KNG1: variants seen among roughly 807,000 people sequenced by gnomAD.
The protein encoded by KNG1 is kininogen 1, also known as kininogen-1.
Under a neutral mutation model 47.8 loss-of-function variants are expected in KNG1, and 23 were observed. That is an observed-to-expected ratio of 0.48 (90% CI 0.35 to 0.68). The LOEUF (loss-of-function observed/expected upper bound fraction) is 0.68. Among genes scored for constraint, KNG1 ranks in the 30% least tolerant of loss-of-function variants. The pLI, the probability that KNG1 is intolerant of heterozygous loss-of-function variation, is 0.01. For synonymous variants in KNG1, 277 were observed against 277.0 expected (o/e 1.00, Z 0.00); for missense variants, 762 against 790.2 (o/e 0.96, Z 0.43).
rs764734070 is a variant in KNG1, at chr3:186,743,739, C to T, written c.*1408C>T. 6.2e-7 allele frequency: 1 copy of T among 1,614,046 alleles called. No individual in the cohort carries two copies. The highest frequency in any genetic ancestry group is 1.1e-5 in the South Asian group (1 of 91,080). On this transcript the variant is annotated 3_prime_UTR_variant, in exon 10 of 10. Transcript: ENST00000644859. ...AGGTCCTGCGAGTACAAGGGTCGAC[C>T]CCCAAAGGCAGGGGCAGAGCCAGCA...
rs1204582162 is a variant in KNG1 at position 186,722,964 on chromosome 3, A to G, written c.391+443A>G. Among the ~76,000 whole-genome samples, 8 of 152,208 alleles carry G rather than the reference A, an allele frequency of 5.3e-5. No individual in the cohort carries two copies. In the East Asian group the frequency reaches 1.5e-3, roughly 29 times the overall value. On this transcript the variant is annotated intron_variant, in intron 3 of 9. Transcript: ENST00000644859. ...ACAGGACTGTTGTGAGGCTGAAATG[A>G]GATGATATGCCTGGAGGTACAATCA...
chr3:186,727,858 C>T (rs928098856), intron 5 of KNG1, among the ~76,000 whole-genome samples: 20 of 152,176 alleles, frequency 1.3e-4, no homozygotes, highest in African/African-American at 4.6e-4. Flanking sequence ...AGGCATGAGC[C>T]ACCGTGCCTG....
rs1243044282 is a variant in KNG1, at chr3:186,732,469, T to C, written c.758-33T>C. The C allele has an allele frequency of 5.6e-6, 9 of 1,608,492 alleles. No homozygotes were observed. In the South Asian group the frequency reaches 6.6e-5, roughly 12 times the overall value. On this transcript the variant is annotated intron_variant, in intron 6 of 9. Transcript: ENST00000644859. Reference sequence around the variant, plus strand: ...ATGCTAGGCCAGGCTGCTACTTCAGTGTACATGTTGACTTAAAACCTGATC... The same window carrying C: ...ATGCTAGGCCAGGCTGCTACTTCAGCGTACATGTTGACTTAAAACCTGATC...
Position 186,725,083 on chromosome 3 carries a change from T to C in KNG1, c.392-5T>C. On this transcript the variant is annotated splice_region_variant and splice_polypyrimidine_tract_variant and intron_variant, in intron 3 of 9. Coordinates refer to ENST00000644859, the MANE Select transcript of KNG1 (RefSeq NM_001102416.3). ...ATGCTGTGTTTTTGTCTGCTCTTTG[T>C]TAAGCCGAGGGCCCTGTGGTGACAG... 6.2e-7 allele frequency: 1 copy of C among 1,613,972 alleles called. No homozygotes were observed. The highest frequency in any genetic ancestry group is 8.5e-7 in the Non-Finnish European group (1 of 1,179,990).
intron 7 of KNG1, chr3:186,736,624 T>C (rs1236586334): frequency 6.6e-6 from 1 of 152,264 alleles, no homozygotes; most frequent in African/African-American, 2.4e-5. Context: ...TGTGTGCACA[T>C]GCAGAAATTT....
chr3:186,741,827 C>T lies in KNG1; in HGVS notation c.1431C>T (p.Phe477=), dbSNP rs1396227479. ...QQHGLGHGHK[F]KLDDDLEHQG... The stretch of plus-strand genomic sequence containing the variant: ...ATGGTCTTGGTCATGGACATAAGTT[C>T]AAACTTGATGATGATCTTGAACACC... The change falls in exon 10 of 10, where the codon TTC becomes TTT. Residue 477 remains phenylalanine, a synonymous_variant. Transcript: ENST00000644859. 5 of 1,613,560 alleles carry T rather than the reference C, an allele frequency of 3.1e-6. No individual in the cohort carries two copies. Among genetic ancestry groups the T allele is most frequent in the Non-Finnish European group, 4.2e-6 (5 of 1,179,740 alleles).
chr3:186,722,220 G>A (rs1720222873), intron 2 of KNG1: 4 of 537,800 alleles, frequency 7.4e-6, no homozygotes, highest in Non-Finnish European at 1.0e-5. Flanking sequence ...CATTTACACT[G>A]TCTTTCCTCC....
At chr3:186,725,510 A>C (rs186020730) in intron 4 of KNG1, among the ~76,000 whole-genome samples, 40 of 149,334 alleles carry the variant, frequency 2.7e-4, no homozygotes, top group Admixed American at 5.4e-4. Context: ...CTTCCTAGAG[A>C]CAGTGAAAAG....
chr3:186,742,348 T>C lies in KNG1; in HGVS notation c.*17T>C, dbSNP rs1314305877. On this transcript the variant is annotated 3_prime_UTR_variant, in exon 10 of 10. Coordinates refer to ENST00000644859, the MANE Select transcript of KNG1 (RefSeq NM_001102416.3). ...CTTTCTTAATTTAAGTGGCTATGGG[T>C]ATTTCTTTCATACTTTATTAAAGTA... 3.7e-6 allele frequency: 6 copies of C among 1,613,004 alleles called. No individual in the cohort carries two copies. In the South Asian group the frequency reaches 5.5e-5, roughly 15 times the overall value.
Position 186,720,162 on chromosome 3 carries a change from G to C in KNG1, c.253G>C (p.Val85Leu), listed in dbSNP as rs1720145926. 1 of 1,613,926 alleles carries C rather than the reference G, an allele frequency of 6.2e-7. No individual in the cohort carries two copies. Among genetic ancestry groups the C allele is most frequent in the African/African-American group, 1.3e-5 (1 of 74,910 alleles). ...KYEIKEGDCPVQSGKTWQDCE... is the reference protein window; with the variant it reads ...KYEIKEGDCPLQSGKTWQDCE... ...CGAAATCAAGGAGGGGGATTGTCCT[G>C]TTCAAAGTGGCAAAACCTGGCAGGA... The change falls in exon 2 of 10, where the codon GTT becomes CTT. Residue 85 changes from valine to leucine, a missense_variant. Transcript: ENST00000644859.
At chr3:186,732,367 C>T in intron 6 of KNG1, 135 bp from the exon 7 acceptor site, 1 of 768,278 alleles carries the variant, frequency 1.3e-6, no homozygotes, top group East Asian at 2.5e-5. Flanking sequence ...GACAGACAAC[C>T]TTCCCCCACT....
Position 186,742,082 on chromosome 3 carries a change from C to T in KNG1, c.1686C>T (p.Asp562=). Residue 562 remains aspartate (D), a synonymous_variant, in exon 10 of 10, where the codon GAC becomes GAT. Coordinates refer to ENST00000644859, the MANE Select transcript of KNG1 (RefSeq NM_001102416.3). The part of the protein sequence containing the change: ...AKPGVTVTFS[D]FQDSDLIATM... ...CAGGTGTAACAGTTACCTTTTCTGA[C>T]TTTCAGGACTCTGATCTCATTGCAA... 1 of 1,613,940 alleles carries T rather than the reference C, an allele frequency of 6.2e-7. No homozygotes were observed. Among genetic ancestry groups the T allele is most frequent in the Non-Finnish European group, 8.5e-7 (1 of 1,179,856 alleles).
rs148273619 is a variant in KNG1 at position 186,725,992 on chromosome 3, G to A, written c.564+732G>A. Among the ~76,000 whole-genome samples, 52 of 150,214 alleles carry A rather than the reference G, an allele frequency of 3.5e-4. 1 individual carries two copies. The South Asian group carries it at 8.9e-3, about 26-fold the overall frequency. ...CTGTTGCCTAGGCTGGAGCAGTGGC[G>A]CGATCTTGGCTCACTGCAACCTCTG... On this transcript the variant is annotated intron_variant, in intron 4 of 9. Coordinates refer to ENST00000644859, the MANE Select transcript of KNG1 (RefSeq NM_001102416.3).
At chr3:186,731,705 G>A in intron 6 of KNG1, 76 bp downstream of exon 6, 1 of 986,184 alleles carries the variant, frequency 1.0e-6, no homozygotes, top group Non-Finnish European at 1.6e-6. Context: ...TTTCCTATAA[G>A]TTGGGTTTTG....
At chr3:186,717,868 CACCACCACCACCACA>C (rs1720035931) in intron 1 of KNG1, 131 bp downstream of exon 1, 2 of 260,810 alleles carry the variant, frequency 7.7e-6, no homozygotes, top group Non-Finnish European at 6.8e-6. Flanking sequence ...CACCATCACC[CACCACCACCACCACA>C]ACCACCACCA....
intron 3 of KNG1, among the ~76,000 whole-genome samples, chr3:186,724,734 C>T (rs1015211860): frequency 4.6e-5 from 7 of 151,456 alleles, no homozygotes; most frequent in African/African-American, 9.7e-5. Context: ...CTTGCTCTGT[C>T]GCCCAGGCTG....
intron 5 of KNG1, 87 bp downstream of exon 5, chr3:186,727,431 C>A (rs938550611): frequency 3.4e-6 from 3 of 873,554 alleles, no homozygotes; most frequent in African/African-American, 3.3e-5. Flanking sequence ...AAGACTGTCA[C>A]GAAAAGTTTA....
chr3:186,735,457 A>G (rs1447472362), intron 7 of KNG1, among the ~76,000 whole-genome samples: 1 of 152,052 alleles, frequency 6.6e-6, no homozygotes, highest in Non-Finnish European at 1.5e-5. Flanking sequence ...ATCTCTACTA[A>G]AAATACAAAA....
In KNG1 at chr3:186,739,083, C is replaced by T. The variant is rs140565521; in HGVS notation, c.931-16C>T. On this transcript the variant is annotated splice_polypyrimidine_tract_variant and intron_variant, in intron 7 of 9. Transcript: ENST00000644859. ...AATATTTTTAAGCGTTTACTTTGTACTAATTAATTTTTCAGGTGGTGGCTG... is the reference window on the plus strand; with the variant it reads ...AATATTTTTAAGCGTTTACTTTGTATTAATTAATTTTTCAGGTGGTGGCTG... The T allele has an allele frequency of 5.7e-6, 9 of 1,572,042 alleles. No homozygotes were observed. In the African/African-American group the frequency reaches 1.1e-4, roughly 19 times the overall value.
Sources: gnomAD v4.1 joint callset for allele counts (sites outside exome capture counted in the v4.1 genomes callset) on GRCh38, gnomAD v4.1.1 for gene constraint, MANE v1.5 for transcripts, NCBI Gene and HGNC (gene_info 2026-07-23, HGNC 2026-07-21) for gene names.